RARB: variants seen among roughly 807,000 people sequenced by gnomAD.
RARB encodes retinoic acid receptor beta.
RARB carries 17 observed loss-of-function variants against 51.9 expected under a neutral mutation model. The ratio of observed to expected loss-of-function variants is 0.33; its 90% CI spans 0.22 to 0.49. The LOEUF (loss-of-function observed/expected upper bound fraction) is 0.49, where lower values mean the gene tolerates loss of function less well. Ranked by LOEUF, RARB falls within the 20% of genes least tolerant of loss-of-function variation. RARB has a pLI of 0.99. For missense variants in RARB, 369 were observed against 550.8 expected (o/e 0.67, Z 3.30); for synonymous variants, 215 against 195.4 (o/e 1.10, Z -0.84).
At chr3:25,416,089 G>C (rs1467969150) in intron 5 of RARB, among the ~76,000 whole-genome samples, 4 of 152,130 alleles carry the variant, frequency 2.6e-5, no homozygotes, top group Admixed American at 6.5e-5. Context: ...ATGCAACAAG[G>C]CATGCCAATA....
chr3:24,953,390 C>G (rs1695940726), intron 2 of RARB, among the ~76,000 whole-genome samples: 2 of 152,142 alleles, frequency 1.3e-5, no homozygotes, highest in South Asian at 4.1e-4. Context: ...TAAATGGAAA[C>G]ATCTTGGTTA....
intron 2 of RARB, among the ~76,000 whole-genome samples, chr3:25,031,703 T>C (rs1478404647): frequency 6.6e-6 from 1 of 152,194 alleles, no homozygotes; most frequent in Non-Finnish European, 1.5e-5. Flanking sequence ...TCTATGGAGT[T>C]GCATGTTTCT....
At position 25,416,471 on chromosome 3, in the gene RARB, T is replaced by C. The variant is rs139774407; in HGVS notation, c.179-44722T>C. Reference sequence around the variant, plus strand: ...TAGACCTTGAAGAAACGTTTGATATTATCCAGTTCCAGGACTGCCGCTAGA... The same window carrying C: ...TAGACCTTGAAGAAACGTTTGATATCATCCAGTTCCAGGACTGCCGCTAGA... On this transcript the variant is annotated intron_variant, in intron 5 of 11. Transcript: ENST00000383772. 1.2e-3 allele frequency among the ~76,000 whole-genome samples: 184 copies of C among 152,306 alleles called. 1 individual carries two copies. Among genetic ancestry groups the C allele is most frequent in the Non-Finnish European group, 2.2e-3 (153 of 68,030 alleles).
intron 5 of RARB, among the ~76,000 whole-genome samples, chr3:25,296,033 G>A (rs1295937020): frequency 6.6e-6 from 1 of 152,144 alleles, no homozygotes; most frequent in Non-Finnish European, 1.5e-5. Flanking sequence ...TTCTATATTA[G>A]AGACTTAGGA....
chr3:24,931,135 T>C (rs755070947), intron 2 of RARB, among the ~76,000 whole-genome samples: 2 of 152,094 alleles, frequency 1.3e-5, no homozygotes, highest in Non-Finnish European at 2.9e-5. Context: ...GTCTATACTT[T>C]TAAGTACTCT....
At chr3:25,090,335 C>T (rs180721156) in intron 3 of RARB, among the ~76,000 whole-genome samples, 3 of 152,058 alleles carry the variant, frequency 2.0e-5, no homozygotes, top group Non-Finnish European at 2.9e-5. Context: ...TTCTGGTGTT[C>T]GTTCTTTTTT....
At chr3:25,459,960 C>T (rs1035852813) in intron 1 of RARB, among the ~76,000 whole-genome samples, 7 of 152,120 alleles carry the variant, frequency 4.6e-5, no homozygotes, top group African/African-American at 1.7e-4. Context: ...TGAGTACAAT[C>T]CTGGAGAATT....
chr3:25,432,680 G>T (rs868744569), intron 1 of RARB, among the ~76,000 whole-genome samples: 77 of 152,112 alleles, frequency 5.1e-4, no homozygotes, highest in African/African-American at 1.7e-3. Flanking sequence ...TGAGGTGGCT[G>T]AAAAAGAAAG....
At chr3:25,508,911 A>G (rs1328850302) in intron 3 of RARB, among the ~76,000 whole-genome samples, 1 of 149,344 alleles carries the variant, frequency 6.7e-6, no homozygotes, top group East Asian at 2.0e-4. Flanking sequence ...AAAAAAAATT[A>G]TGTTTGGGTA....
intron 2 of RARB, among the ~76,000 whole-genome samples, chr3:24,890,733 C>A (rs1267431242): frequency 6.6e-6 from 1 of 152,046 alleles, no homozygotes; most frequent in Non-Finnish European, 1.5e-5. Flanking sequence ...TTATACAAAC[C>A]CTTGAATATA....
chr3:25,351,191 C>G (rs1705558434), intron 5 of RARB, among the ~76,000 whole-genome samples: 1 of 152,056 alleles, frequency 6.6e-6, no homozygotes, highest in South Asian at 2.1e-4. Flanking sequence ...GGTAGTTTTT[C>G]ATTATATTCT....
intron 3 of RARB, among the ~76,000 whole-genome samples, chr3:25,128,092 A>G (rs1409127073): frequency 2.0e-5 from 3 of 151,990 alleles, no homozygotes; most frequent in Admixed American, 2.0e-4. Context: ...AGAATAAAGT[A>G]CTCTGGTTCA....
At chr3:25,198,943 A>G (rs766000251) in intron 5 of RARB, among the ~76,000 whole-genome samples, 1 of 152,186 alleles carries the variant, frequency 6.6e-6, no homozygotes, top group Middle Eastern at 3.4e-3. Flanking sequence ...GCTTTTTGGT[A>G]TATACCCCCA....
chr3:25,339,339 G>C (rs532506996), intron 5 of RARB, among the ~76,000 whole-genome samples: 2 of 152,262 alleles, frequency 1.3e-5, no homozygotes, highest in Admixed American at 6.5e-5. Context: ...ACTGAGTTTG[G>C]CCAGTCAAAT....
intron 5 of RARB, among the ~76,000 whole-genome samples, chr3:25,282,416 T>C (rs1395685010): frequency 6.6e-6 from 1 of 152,212 alleles, no homozygotes; most frequent in Non-Finnish European, 1.5e-5. Flanking sequence ...CTATTTAAAA[T>C]TGTTACCCAC....
chr3:25,189,468 A>G (rs1701048210), intron 5 of RARB, among the ~76,000 whole-genome samples: 1 of 152,150 alleles, frequency 6.6e-6, no homozygotes. Flanking sequence ...CAGGGGCCCC[A>G]GCAGTGCCCA....
At chr3:25,131,836 C>G (rs561611026) in intron 3 of RARB, among the ~76,000 whole-genome samples, 1 of 151,494 alleles carries the variant, frequency 6.6e-6, no homozygotes, top group Non-Finnish European at 1.5e-5. Context: ...CAACAAAATA[C>G]CAAGCTGAGA....
chr3:25,543,804 A>G (rs1042081075), intron 3 of RARB, among the ~76,000 whole-genome samples: 7 of 152,236 alleles, frequency 4.6e-5, no homozygotes, highest in Non-Finnish European at 1.5e-5. Context: ...GTAACCTTCC[A>G]TAGATGCACC....
At chr3:25,048,313 A>G (rs978973242) in intron 2 of RARB, among the ~76,000 whole-genome samples, 21 of 152,264 alleles carry the variant, frequency 1.4e-4, no homozygotes, top group African/African-American at 4.3e-4. Flanking sequence ...TGGATTTCCT[A>G]CTTGGTTGAT....
Sources: allele counts gnomAD v4.1 joint callset (sites outside exome capture counted in the v4.1 genomes callset), GRCh38; gene constraint gnomAD v4.1.1; transcripts MANE v1.5; gene names NCBI Gene and HGNC (gene_info 2026-07-23, HGNC 2026-07-21).